Variants in C2CD2 observed in about 807,000 individuals in gnomAD.
C2CD2 encodes C2 domain-containing protein 2.
In C2CD2, 43 loss-of-function variants were observed where a neutral mutation model predicts 74.3. The ratio of observed to expected loss-of-function variants is 0.58; its 90% CI spans 0.45 to 0.75. The LOEUF (loss-of-function observed/expected upper bound fraction) is 0.75, where lower values mean the gene tolerates loss of function less well. C2CD2 is among the 30% of genes least tolerant of loss of function. C2CD2 has a pLI of 0.00. For synonymous variants in C2CD2, 422 were observed against 390.7 expected (o/e 1.08, Z -0.94); for missense variants, 801 against 916.3 (o/e 0.87, Z 1.63).
chr21:41,943,181 C>A (rs2065369506), intron 1 of C2CD2, among the ~76,000 whole-genome samples: 2 of 152,140 alleles, frequency 1.3e-5, no homozygotes, highest in Non-Finnish European at 2.9e-5. Context: ...CACGTGTAAT[C>A]CCAGCTACTC....
Position 41,905,812 on chromosome 21 carries a change from C to G in C2CD2, c.1344G>C (p.Lys448Asn). 1 of 1,605,168 alleles carries G rather than the reference C, an allele frequency of 6.2e-7. No individual in the cohort carries two copies. The part of the protein sequence containing the change: ...SSDSPVKTPI[K>N]VKVIEKDISV... ...AGATGTCCTTCTCGATCACCTTCAC[C>G]TTGATGGGAGTCTTCACCGGAGAAT... The change falls in exon 11 of 14, where the codon AAG (lysine) becomes AAC (asparagine). Residue 448 changes from lysine to asparagine, a missense_variant. Transcript: ENST00000380486.
At chr21:41,894,379 G>A (rs1160591530) in intron 13 of C2CD2, among the ~76,000 whole-genome samples, 2 of 152,228 alleles carry the variant, frequency 1.3e-5, no homozygotes, top group Non-Finnish European at 2.9e-5. Context: ...AGGAAGCTAA[G>A]GTTTGGAGAG....
Position 41,906,704 on chromosome 21 carries a change from C to T in C2CD2, c.1318+288G>A, listed in dbSNP as rs566296454. Among the ~76,000 whole-genome samples the T allele has an allele frequency of 2.0e-5, 3 of 152,300 alleles. No homozygotes were observed. In the South Asian group the frequency reaches 6.2e-4, roughly 32 times the overall value. On this transcript the variant is annotated intron_variant, in intron 10 of 13. Coordinates refer to ENST00000380486, the MANE Select transcript of C2CD2 (RefSeq NM_015500.2). ...TTAATTTAACTTAGTTGGAGTTACA[C>T]CTAAGGGCAACTATTTACACTATCT...
chr21:41,950,485 C>A lies in C2CD2; in HGVS notation c.279+2885G>T, dbSNP rs867860374. 2.0e-5 allele frequency among the ~76,000 whole-genome samples: 3 copies of A among 152,340 alleles called. No individual in the cohort carries two copies. In the South Asian group the frequency reaches 6.2e-4, roughly 32 times the overall value. On this transcript the variant is annotated intron_variant, in intron 1 of 13. Transcript: ENST00000380486. ...GAGTCAGTGCTGCTGCAGTGGTCAT[C>A]AGAGAGCAGGAGGACTCCTCCGGTG...
intron 1 of C2CD2, among the ~76,000 whole-genome samples, chr21:41,952,249 G>T (rs1026667377): frequency 1.3e-5 from 2 of 152,184 alleles, no homozygotes; most frequent in African/African-American, 4.8e-5. Context: ...TTCAAAACAA[G>T]GTCTCTTGAT....
chr21:41,909,108 T>C (rs2064997987), intron 8 of C2CD2, among the ~76,000 whole-genome samples: 1 of 152,248 alleles, frequency 6.6e-6, no homozygotes. Flanking sequence ...TTGTTTATCT[T>C]ACTACAGTTA....
In C2CD2 at chr21:41,922,007, G is replaced by A. The variant is rs762621067; in HGVS notation, c.457C>T (p.Leu153=). Reference sequence around the variant, plus strand: ...AAAGGGGAGAGCCGCATGTCGTACAGCCGGCATCCAGCACCCAAGGCAGGC... The same window carrying A: ...AAAGGGGAGAGCCGCATGTCGTACAACCGGCATCCAGCACCCAAGGCAGGC... The part of the protein sequence containing the change: ...ETPALGAGCR[L]YDMRLSPFHL... The change falls in exon 3 of 14, where the codon CTG becomes TTG. Residue 153 remains leucine, a synonymous_variant. Coordinates refer to ENST00000380486, the MANE Select transcript of C2CD2 (RefSeq NM_015500.2). The A allele has an allele frequency of 1.9e-6, 3 of 1,613,650 alleles. No individual in the cohort carries two copies. Among genetic ancestry groups the A allele is most frequent in the Non-Finnish European group, 2.5e-6 (3 of 1,179,586 alleles).
At chr21:41,916,700 CACACACT>C (rs1241503340) in intron 5 of C2CD2, among the ~76,000 whole-genome samples, 3 of 151,212 alleles carry the variant, frequency 2.0e-5, no homozygotes, top group Admixed American at 6.6e-5. Flanking sequence ...CACACACACA[CACACACT>C]CCCATTGGTT....
intron 1 of C2CD2, among the ~76,000 whole-genome samples, chr21:41,947,113 T>TCTCTCCCTCTCTCTCTCC (rs1569084345): frequency 1.8e-5 from 1 of 56,796 alleles, no homozygotes; most frequent in Non-Finnish European, 3.5e-5. Context: ...CTTTCTCTTT[T>TCTCTCCCTCTCTCTCTCC]CTCTCTCTCT....
chr21:41,944,308 C>A (rs973670185), intron 1 of C2CD2, among the ~76,000 whole-genome samples: 2 of 151,944 alleles, frequency 1.3e-5, no homozygotes, highest in Non-Finnish European at 2.9e-5. Flanking sequence ...GTCAGGCGAT[C>A]GAGACCATCC....
chr21:41,899,675 A>G lies in C2CD2; in HGVS notation c.1561-313T>C, dbSNP rs2839418. Among the ~76,000 whole-genome samples the G allele has an allele frequency of 0.14, 21,354 of 152,030 alleles. 1,594 individuals carry two copies. The highest frequency in any genetic ancestry group is 0.27 in the East Asian group (1,403 of 5,144). On this transcript the variant is annotated intron_variant, in intron 12 of 13. Transcript: ENST00000380486. This position sits in a 1 kb window ranked among gnomAD's most constrained non-coding sequence, Gnocchi z 4.4. ...GCGTTTGTGGCAAGCTGCAGAAATG[A>G]GATGCGAGAGAGAGAGCCCGTCCTT... is the stretch of plus-strand genomic sequence containing the variant.
intron 2 of C2CD2, among the ~76,000 whole-genome samples, chr21:41,928,881 G>A (rs1028745891): frequency 4.6e-5 from 7 of 152,184 alleles, no homozygotes; most frequent in Admixed American, 1.3e-4. Flanking sequence ...GATGCAAAGC[G>A]TGATAGTGCT....
intron 3 of C2CD2, 120 bp downstream of exon 3, chr21:41,921,847 TATGAC>T: frequency 1.6e-6 from 1 of 644,308 alleles, no homozygotes; most frequent in Non-Finnish European, 2.8e-6. Context: ...GTTTGAAAAT[TATGAC>T]ATGAATGATA....
intron 6 of C2CD2, among the ~76,000 whole-genome samples, chr21:41,914,205 A>T (rs1032758104): frequency 9.9e-5 from 15 of 152,148 alleles, no homozygotes; most frequent in Non-Finnish European, 1.9e-4. Context: ...CAGCCTGGGC[A>T]ACAAGAGCGA....
At chr21:41,905,600 G>A (rs1169962604) in intron 11 of C2CD2, 124 bp downstream of exon 11, 2 of 604,150 alleles carry the variant, frequency 3.3e-6, no homozygotes. Flanking sequence ...TTACGGGTGT[G>A]AGCCACCACA....
rs1309247760 is a variant in C2CD2, at chr21:41,905,716, TCA to T, written c.1432+6_1432+7del. ...AGAGGGAGAGCGACGTGGGCGTGTC[TCA>T]GTTACCTGTGTCTGAAGAAGAGAGT... is the stretch of plus-strand genomic sequence containing the variant. On this transcript the variant is annotated splice_donor_region_variant and intron_variant, in intron 11 of 13. Transcript: ENST00000380486. The T allele has an allele frequency of 7.3e-6, 11 of 1,500,730 alleles. No individual in the cohort carries two copies. The highest frequency in any genetic ancestry group is 1.4e-5 in the African/African-American group (1 of 72,550). The allele number at this position is 1,500,730 out of a possible 1,614,324, so 93.0% of individuals were successfully genotyped here. A position where few individuals can be genotyped will look rare whatever the true frequency, so the allele number is the denominator to read the frequency against.
chr21:41,890,557 T>A (rs909711584), intron 13 of C2CD2, among the ~76,000 whole-genome samples: 1 of 152,262 alleles, frequency 6.6e-6, no homozygotes, highest in Non-Finnish European at 1.5e-5. Flanking sequence ...TGAAATTCAT[T>A]ACCGCTGGCA....
chr21:41,891,657 T>C (rs73909435), intron 13 of C2CD2, among the ~76,000 whole-genome samples: 1,774 of 152,236 alleles, frequency 0.012, 33 homozygotes, highest in African/African-American at 0.041. Context: ...TAGGCTGATC[T>C]TGGAGGCCCT....
intron 13 of C2CD2, among the ~76,000 whole-genome samples, chr21:41,890,304 T>C (rs2064735879): frequency 6.6e-6 from 1 of 152,190 alleles, no homozygotes; most frequent in African/African-American, 2.4e-5. Flanking sequence ...TACAGATAGA[T>C]ACAGATCTCT....
Sources: allele counts gnomAD v4.1 joint callset (sites outside exome capture counted in the v4.1 genomes callset), GRCh38; gene constraint gnomAD v4.1.1; non-coding constraint Gnocchi (gnomAD v3.1); transcripts MANE v1.5; gene names NCBI Gene and HGNC (gene_info 2026-07-23, HGNC 2026-07-21).